Variants in SMIM36 observed in about 807,000 individuals in gnomAD.
SMIM36 encodes the protein small integral membrane protein 36.
intron 1 of SMIM36, among the ~76,000 whole-genome samples, chr17:55,492,218 T>C (rs1344966995): frequency 7.2e-6 from 1 of 139,518 alleles, no homozygotes; most frequent in Non-Finnish European, 1.5e-5. Flanking sequence ...TTGATATTTC[T>C]TTTTTCTTTT....
chr17:55,529,891 G>A, the SMIM36 span, among the ~76,000 whole-genome samples: 1 of 152,220 alleles, frequency 6.6e-6, no homozygotes, highest in African/African-American at 2.4e-5. Context: ...CAGTTCAGCT[G>A]TAGCAGATGA....
intron 1 of SMIM36, among the ~76,000 whole-genome samples, chr17:55,509,822 A>G (rs1910149123): frequency 6.6e-6 from 1 of 152,198 alleles, no homozygotes; most frequent in Admixed American, 6.5e-5. Flanking sequence ...GAACAGGGGA[A>G]AAAACATACC....
the SMIM36 span, among the ~76,000 whole-genome samples, chr17:55,522,921 T>A: frequency 1.3e-5 from 2 of 152,170 alleles, no homozygotes; most frequent in South Asian, 2.1e-4. Flanking sequence ...AAGCATTGAA[T>A]ATATATTTGG....
chr17:55,483,478 A>G (rs1234477695), intron 1 of SMIM36, among the ~76,000 whole-genome samples: 1 of 152,194 alleles, frequency 6.6e-6, no homozygotes, highest in Non-Finnish European at 1.5e-5. Flanking sequence ...AGTAAAGCAG[A>G]TGACCCTCCA....
At chr17:55,455,149 G>A (rs1318368196) in intron 4 of SMIM36, among the ~76,000 whole-genome samples, 1 of 152,170 alleles carries the variant, frequency 6.6e-6, no homozygotes, top group African/African-American at 2.4e-5. Flanking sequence ...CCCACCAGCA[G>A]TGTTTATGAG....
chr17:55,453,795 T>A (rs997487151), intron 4 of SMIM36, among the ~76,000 whole-genome samples: 2 of 152,276 alleles, frequency 1.3e-5, no homozygotes, highest in East Asian at 3.9e-4. Flanking sequence ...AAATAGATAT[T>A]TAGAGTAGTT....
chr17:55,516,035 A>G (rs1910270411), upstream of SMIM36, among the ~76,000 whole-genome samples: 1 of 152,218 alleles, frequency 6.6e-6, no homozygotes, highest in African/African-American at 2.4e-5. Context: ...GCATGGGATG[A>G]AAGAAAATTA....
At chr17:55,508,487 A>G (rs1910123561) in intron 1 of SMIM36, among the ~76,000 whole-genome samples, 1 of 130,130 alleles carries the variant, frequency 7.7e-6, no homozygotes, top group African/African-American at 3.0e-5. Flanking sequence ...CCCTTTTCTT[A>G]ATGTGAGCTT....
intron 1 of SMIM36, among the ~76,000 whole-genome samples, chr17:55,508,103 C>T (rs1468825189): frequency 2.6e-5 from 4 of 152,012 alleles, no homozygotes; most frequent in Admixed American, 6.6e-5. Flanking sequence ...TCTGGTGGTG[C>T]ATTAGAGTGG....
At chr17:55,488,173 G>A (rs966445651) in intron 1 of SMIM36, among the ~76,000 whole-genome samples, 1 of 152,182 alleles carries the variant, frequency 6.6e-6, no homozygotes, top group Non-Finnish European at 1.5e-5. Flanking sequence ...CCTGAGTCAG[G>A]CCAGGACAGT....
chr17:55,481,502 G>A (rs1020053276), intron 1 of SMIM36, among the ~76,000 whole-genome samples: 7 of 152,106 alleles, frequency 4.6e-5, no homozygotes, highest in Admixed American at 3.3e-4. Flanking sequence ...ATATTGCACG[G>A]TACAATCCCT....
chr17:55,466,281 A>AAC (rs1358072391), intron 4 of SMIM36, among the ~76,000 whole-genome samples: 30 of 146,410 alleles, frequency 2.0e-4, no homozygotes, highest in African/African-American at 6.4e-4. Flanking sequence ...CCGTCTCAAA[A>AAC]AAAAAAAAAA....
chr17:55,529,505 C>T, the SMIM36 span, among the ~76,000 whole-genome samples: 70 of 152,026 alleles, frequency 4.6e-4, no homozygotes, highest in African/African-American at 1.5e-3. Flanking sequence ...CGGTGGCTCA[C>T]GCCTGTAATC....
At chr17:55,501,273 T>A (rs182593554) in intron 1 of SMIM36, among the ~76,000 whole-genome samples, 49 of 4,950 alleles carry the variant, frequency 9.9e-3, no homozygotes, top group African/African-American at 0.088. Flanking sequence ...TATAATATAT[T>A]ATATTATATA....
chr17:55,511,629 T>C (rs535252684), upstream of SMIM36, among the ~76,000 whole-genome samples: 23 of 152,288 alleles, frequency 1.5e-4, no homozygotes, highest in African/African-American at 4.6e-4. Context: ...TCATGGTATA[T>C]AAGTAGAGCA....
At chr17:55,466,034 T>G (rs1016776730) in intron 4 of SMIM36, among the ~76,000 whole-genome samples, 1 of 151,928 alleles carries the variant, frequency 6.6e-6, no homozygotes, top group Non-Finnish European at 1.5e-5. Context: ...TCTCAGCACT[T>G]TGGGAGGCCG....
chr17:55,495,902 G>A lies in SMIM36; in HGVS notation c.*174+14977C>T, dbSNP rs533912624. On this transcript the variant is annotated intron_variant, in intron 1 of 4. Transcript: ENST00000636752. Reference sequence around the variant, plus strand: ...TAAATACAGAGAAATATTCTTGATCGTGAGAGTTGTCAAATCCAGTCTTGC... The same window carrying A: ...TAAATACAGAGAAATATTCTTGATCATGAGAGTTGTCAAATCCAGTCTTGC... Among the ~76,000 whole-genome samples the A allele has an allele frequency of 6.7e-4, 102 of 152,264 alleles. No homozygotes were observed. In the South Asian group the frequency reaches 0.012, roughly 18 times the overall value.
chr17:55,467,987 C>A (rs558508793), intron 3 of SMIM36: 50 of 152,296 alleles, frequency 3.3e-4, no homozygotes, highest in African/African-American at 9.6e-4. Flanking sequence ...CACCTTGTGA[C>A]CCCCGCCCCT....
chr17:55,532,100 T>G, the SMIM36 span, among the ~76,000 whole-genome samples: 2 of 152,260 alleles, frequency 1.3e-5, no homozygotes, highest in African/African-American at 2.4e-5. Context: ...TGCCCCGTTA[T>G]GCTTCCTAAA....
Sources: gnomAD v4.1 joint callset for allele counts (sites outside exome capture counted in the v4.1 genomes callset) on GRCh38, gnomAD v4.1.1 for gene constraint, MANE v1.5 for transcripts, NCBI Gene and HGNC (gene_info 2026-07-23, HGNC 2026-07-21) for gene names.